Variants in VIPR2 observed in about 807,000 individuals in gnomAD.
VIPR2 encodes the protein vasoactive intestinal polypeptide receptor 2.
A neutral mutation model predicts 58.0 loss-of-function variants in VIPR2; 48 were observed. That is an observed-to-expected ratio of 0.83 (90% confidence interval 0.66 to 1.05). The LOEUF is 1.05. VIPR2 is among the 50% of genes least tolerant of loss of function. The pLI is 0.00. For missense variants in VIPR2, 534 were observed against 558.0 expected, an observed-to-expected ratio of 0.96 and a Z score of 0.43; for synonymous variants, 243 against 235.2, an observed-to-expected ratio of 1.03 and a Z score of -0.30.
chr7:159,040,464 G>A (rs753961685), intron 6 of VIPR2, among the ~76,000 whole-genome samples: 6 of 152,246 alleles, frequency 3.9e-5, no homozygotes, highest in African/African-American at 1.4e-4. Context: ...GGAACCTGCT[G>A]TGGCTGATGG....
chr7:159,118,823 C>A (rs1796343525), intron 2 of VIPR2, among the ~76,000 whole-genome samples: 1 of 152,384 alleles, frequency 6.6e-6, no homozygotes, highest in Non-Finnish European at 1.5e-5. Flanking sequence ...CAGAGCTGCT[C>A]CTGGATGCTG....
At position 159,132,861 on chromosome 7, in the gene VIPR2, T is replaced by TGAGACAGAA. The variant is rs1563355298; in HGVS notation, c.151+9584_151+9585insTTCTGTCTC. Among the ~76,000 whole-genome samples, 70 of 128,312 alleles carry TGAGACAGAA rather than the reference T, an allele frequency of 5.5e-4. 2 individuals carry two copies. The highest frequency in any genetic ancestry group is 7.2e-4 in the South Asian group (3 of 4,174). 84.2% of individuals were successfully genotyped at this position (128,312 alleles called of 152,430 possible). A position where few individuals can be genotyped will look rare whatever the true frequency, so the allele number is the denominator to read the frequency against. On this transcript the variant is annotated intron_variant, in intron 2 of 12. Transcript: ENST00000262178. The stretch of plus-strand genomic sequence containing the variant: ...AGAATGATTGGCATACCGATTGATT[T>TGAGACAGAA]TAGACAGAATGATTGGCATACAGAT...
chr7:159,063,652 C>A lies in VIPR2; in HGVS notation c.358-5074G>T, dbSNP rs534715452. 1.1e-4 allele frequency among the ~76,000 whole-genome samples: 16 copies of A among 149,000 alleles called. No homozygotes were observed. In the East Asian group the frequency reaches 3.2e-3, roughly 30 times the overall value. On this transcript the variant is annotated intron_variant, in intron 4 of 12. Coordinates refer to ENST00000262178, the MANE Select transcript of VIPR2 (RefSeq NM_003382.5). ...ACCGAGGCAGAGGAGGCGCCAAGAG[C>A]GAGCGAGGGCTGCCAGCATGCTGTC...
intron 4 of VIPR2, among the ~76,000 whole-genome samples, chr7:159,063,287 G>GCTGGGCTGCCCTGCCCT (rs1855827838): frequency 6.6e-6 from 1 of 152,158 alleles, no homozygotes; most frequent in African/African-American, 2.4e-5. Flanking sequence ...TGCCCTGCGG[G>GCTGGGCTGCCCTGCCCT]GAGGCAGCTG....
Position 159,079,924 on chromosome 7 carries a change from T to C in VIPR2, c.358-21346A>G, listed in dbSNP as rs184736973. Among the ~76,000 whole-genome samples the C allele has an allele frequency of 3.8e-3, 575 of 152,184 alleles. 4 individuals carry two copies. The highest frequency in any genetic ancestry group is 0.013 in the African/African-American group (551 of 41,502). On this transcript the variant is annotated intron_variant, in intron 4 of 12. Transcript: ENST00000262178. ...CTCCCAAGACTAAACCAGGAAGAAGTTGAATCTCTGAATAGGCCAACAACA... is the reference window on the plus strand; with the variant it reads ...CTCCCAAGACTAAACCAGGAAGAAGCTGAATCTCTGAATAGGCCAACAACA...
Position 159,144,747 on chromosome 7 carries a change from G to A in VIPR2, c.25C>T (p.Leu9=), listed in dbSNP as rs1188317427. The change falls in exon 1 of 13, where the codon CTG becomes TTG. Residue 9 remains leucine (L), a synonymous_variant. Coordinates refer to ENST00000262178, the MANE Select transcript of VIPR2 (RefSeq NM_003382.5). The stretch of plus-strand genomic sequence containing the variant: ...GGGGCGAGCAGCCAGCAGGTCAGCA[G>A]CGCGGGAGGCAGCAGCGTCCGCATC... The part of the protein sequence containing the change: MRTLLPPA[L]LTCWLLAPVN... The A allele has an allele frequency of 3.6e-5, 47 of 1,295,734 alleles. No homozygotes were observed. The highest frequency in any genetic ancestry group is 4.1e-5 in the Non-Finnish European group (42 of 1,023,960). The allele number at this position is 1,295,734 out of a possible 1,614,324, so 80.3% of individuals were successfully genotyped here.
intron 4 of VIPR2, among the ~76,000 whole-genome samples, chr7:159,062,757 C>T (rs561577558): frequency 2.7e-4 from 41 of 152,356 alleles, no homozygotes; most frequent in African/African-American, 9.1e-4. Flanking sequence ...ATTGTCTCTA[C>T]AGGCTCCGGC....
At chr7:159,113,320 C>CA (rs1319927014) in intron 2 of VIPR2, among the ~76,000 whole-genome samples, 1 of 152,222 alleles carries the variant, frequency 6.6e-6, no homozygotes, top group Admixed American at 6.5e-5. Context: ...ACCACCCGTG[C>CA]ATGCAGCCCC....
intron 2 of VIPR2, among the ~76,000 whole-genome samples, chr7:159,118,505 C>T (rs1394713410): frequency 1.3e-5 from 2 of 152,180 alleles, no homozygotes; most frequent in African/African-American, 4.8e-5. Flanking sequence ...CTGATCCTGC[C>T]TCTTCCTGTG....
chr7:159,038,558 G>T (rs1013769767), intron 6 of VIPR2, among the ~76,000 whole-genome samples: 1 of 152,158 alleles, frequency 6.6e-6, no homozygotes, highest in Non-Finnish European at 1.5e-5. Context: ...CCACTCATTT[G>T]AAAAGTAAAG....
chr7:159,122,520 C>T (rs56157635), intron 2 of VIPR2, among the ~76,000 whole-genome samples: 24,114 of 152,118 alleles, frequency 0.16, 1,997 homozygotes, highest in Non-Finnish European at 0.16. Context: ...GGAGAGTGAA[C>T]GCTCTCACCT....
chr7:159,096,914 C>T lies in VIPR2; in HGVS notation c.357+6843G>A, dbSNP rs1296879652. On this transcript the variant is annotated intron_variant, in intron 4 of 12. Transcript: ENST00000262178. This position sits in a 1 kb window ranked among gnomAD's most constrained non-coding sequence, Gnocchi z 5.5. ...CGCCTTGCTGTCCCCGTTCCCATCA[C>T]TCGATGAGCCAATGCCCTCGTGGCT... The T allele has an allele frequency of 5.8e-6, 9 of 1,550,846 alleles. No individual in the cohort carries two copies. Among genetic ancestry groups the T allele is most frequent in the Non-Finnish European group, 7.8e-6 (9 of 1,147,128 alleles).
Position 159,030,473 on chromosome 7 carries a change from G to A in VIPR2, c.*143C>T, listed in dbSNP as rs1039363824. 52 of 1,014,022 alleles carry A rather than the reference G, an allele frequency of 5.1e-5. No homozygotes were observed. The African/African-American group carries it at 6.6e-4, about 13-fold the overall frequency. The allele number at this position is 1,014,022 out of a possible 1,614,324, so 62.8% of individuals were successfully genotyped here. A position where few individuals can be genotyped will look rare whatever the true frequency, so the allele number is the denominator to read the frequency against. On this transcript the variant is annotated 3_prime_UTR_variant, in exon 13 of 13. Coordinates refer to ENST00000262178, the MANE Select transcript of VIPR2 (RefSeq NM_003382.5). ...TCCAATTCCAGGTATGGGGTTTAGT[G>A]GACAACCAGCTTGACGGAGTCAGGA... is the stretch of plus-strand genomic sequence containing the variant.
intron 5 of VIPR2, 89 bp from the exon 6 acceptor site, chr7:159,043,265 T>C (rs1854457551): frequency 1.1e-5 from 13 of 1,192,560 alleles, no homozygotes; most frequent in South Asian, 7.4e-5. Context: ...ACTCATACTA[T>C]GATCAGAGAA....
chr7:159,135,223 G>A (rs1401267219), intron 2 of VIPR2, among the ~76,000 whole-genome samples: 7 of 151,872 alleles, frequency 4.6e-5, no homozygotes, highest in Non-Finnish European at 7.4e-5. Context: ...ATCACTTGAG[G>A]AGTTCAAGAC....
intron 6 of VIPR2, among the ~76,000 whole-genome samples, chr7:159,038,994 C>T (rs572313373): frequency 7.2e-5 from 11 of 152,268 alleles, no homozygotes; most frequent in African/African-American, 2.2e-4. Context: ...TCAGCAGGTG[C>T]GCTGCCCTGG....
intron 2 of VIPR2, among the ~76,000 whole-genome samples, chr7:159,134,560 T>C (rs184302144): frequency 6.6e-6 from 1 of 152,176 alleles, no homozygotes; most frequent in Non-Finnish European, 1.5e-5. Flanking sequence ...GTGGTCAAAC[T>C]ACTAACATTA....
intron 6 of VIPR2, among the ~76,000 whole-genome samples, chr7:159,039,197 A>G (rs1808215): frequency 0.79 from 119,976 of 152,218 alleles, 47,327 homozygotes; most frequent in Middle Eastern, 0.84. Flanking sequence ...AGTGGCTCAC[A>G]CCTGTAATCC....
intron 7 of VIPR2, among the ~76,000 whole-genome samples, chr7:159,036,238 T>C (rs1269930791): frequency 3.3e-5 from 5 of 152,220 alleles, no homozygotes; most frequent in Admixed American, 3.3e-4. Flanking sequence ...AGACTTGCCA[T>C]TCCTCATGAG....
Sources: allele counts gnomAD v4.1 joint callset (sites outside exome capture counted in the v4.1 genomes callset), GRCh38; gene constraint gnomAD v4.1.1; non-coding constraint Gnocchi (gnomAD v3.1); transcripts MANE v1.5; gene names NCBI Gene and HGNC (gene_info 2026-07-23, HGNC 2026-07-21).